The following BCAR3 variants were observed in gnomAD, a reference collection of about 807,000 sequenced individuals.
The protein encoded by BCAR3 is breast cancer anti-estrogen resistance protein 3.
BCAR3 carries 37 observed loss-of-function variants against 80.1 expected under a neutral mutation model. That is an observed-to-expected ratio of 0.46 (90% CI 0.36 to 0.61). BCAR3 has a LOEUF of 0.61. Among genes scored for constraint, BCAR3 ranks in the 20% least tolerant of loss-of-function variants. The probability of loss-of-function intolerance (pLI) is 0.00; values close to 1 mark genes in which losing one functional copy is unlikely to be tolerated. For synonymous variants in BCAR3, 389 were observed against 418.9 expected, an observed-to-expected ratio of 0.93 and a Z score of 0.87; for missense variants, 978 against 1,068.2, an observed-to-expected ratio of 0.92 and a Z score of 1.18.
At chr1:93,607,649 C>T (rs1177485615) in intron 3 of BCAR3, among the ~76,000 whole-genome samples, 1 of 152,132 alleles carries the variant, frequency 6.6e-6, no homozygotes, top group African/African-American at 2.4e-5. Flanking sequence ...TCCCCAACCA[C>T]CTCTATGGGC....
Position 93,592,493 on chromosome 1 carries a change from T to C in BCAR3, c.358-100A>G, listed in dbSNP as rs2101851434. The C allele has an allele frequency of 1.4e-6, 2 of 1,439,702 alleles. No homozygotes were observed. The highest frequency in any genetic ancestry group is 4.8e-5 in the East Asian group (2 of 41,788). 89.2% of individuals were successfully genotyped at this position (1,439,702 alleles called of 1,614,324 possible). A position where few individuals can be genotyped will look rare whatever the true frequency, so the allele number is the denominator to read the frequency against. The stretch of plus-strand genomic sequence containing the variant: ...GCTTCACTAATCCAACCAGTTATGC[T>C]ACAGCCTGCATTCAGGTAGGGGAGC... On this transcript the variant is annotated intron_variant, in intron 3 of 11. Transcript: ENST00000260502. The surrounding 1 kb of genome is among the most constrained non-coding windows in gnomAD (Gnocchi z 4.8).
upstream of BCAR3, among the ~76,000 whole-genome samples, chr1:93,682,985 A>G (rs1202143733): frequency 1.3e-5 from 2 of 152,046 alleles, no homozygotes; most frequent in Non-Finnish European, 2.9e-5. Flanking sequence ...AAAGAAAAAA[A>G]ACTCATCATT....
intron 2 of BCAR3, among the ~76,000 whole-genome samples, chr1:93,814,654 G>A (rs917349028): frequency 3.3e-5 from 5 of 152,218 alleles, no homozygotes; most frequent in African/African-American, 1.2e-4. Context: ...CCCATCTGGG[G>A]GTCACCACTG....
intron 2 of BCAR3, among the ~76,000 whole-genome samples, chr1:93,781,745 C>T (rs1221023054): frequency 6.6e-6 from 1 of 152,196 alleles, no homozygotes; most frequent in Non-Finnish European, 1.5e-5. Flanking sequence ...TCCTCCTATG[C>T]CTGTCTACTT....
At chr1:93,827,457 C>T (rs1654411013) in intron 2 of BCAR3, among the ~76,000 whole-genome samples, 1 of 152,114 alleles carries the variant, frequency 6.6e-6, no homozygotes, top group Non-Finnish European at 1.5e-5. Context: ...TGTGACCCAG[C>T]TCCCTCCGAG....
intron 2 of BCAR3, among the ~76,000 whole-genome samples, chr1:93,782,624 A>G (rs1171115686): frequency 6.6e-6 from 1 of 152,204 alleles, no homozygotes; most frequent in African/African-American, 2.4e-5. Flanking sequence ...CTGAGCAAAC[A>G]GTGGAGGATA....
chr1:93,739,209 C>T (rs1349444539), intron 2 of BCAR3, among the ~76,000 whole-genome samples: 3 of 152,280 alleles, frequency 2.0e-5, no homozygotes, highest in Non-Finnish European at 4.4e-5. Context: ...ACAGCTGCCG[C>T]AACCTTAGAT....
rs112559014 is a variant in BCAR3 at position 93,745,597 on chromosome 1, C to A, written c.-62-39455G>T. On this transcript the variant is annotated intron_variant, in intron 2 of 13. Coordinates refer to the BCAR3 transcript ENST00000370244. ...ACATTCCATAGCCTCTTGTCTCTTG[C>A]TACTTGATGTGCAGAAGAAAGTGTC... Among the ~76,000 whole-genome samples the A allele has an allele frequency of 9.1e-4, 139 of 152,312 alleles. 3 individuals carry two copies. Among genetic ancestry groups the A allele is most frequent in the African/African-American group, 3.2e-3 (134 of 41,566 alleles).
chr1:93,766,504 A>T (rs1652155941), intron 2 of BCAR3, among the ~76,000 whole-genome samples: 1 of 152,130 alleles, frequency 6.6e-6, no homozygotes, highest in African/African-American at 2.4e-5. Flanking sequence ...TTCCCAGATG[A>T]ATTTTCTTTC....
chr1:93,671,372 A>G (rs1248301631), intron 2 of BCAR3, among the ~76,000 whole-genome samples: 3 of 152,176 alleles, frequency 2.0e-5, no homozygotes, highest in Non-Finnish European at 2.9e-5. Context: ...AGTACTTCAC[A>G]AGACAAAGAG....
intron 11 of BCAR3, among the ~76,000 whole-genome samples, chr1:93,565,479 A>G (rs55829892): frequency 2.1e-3 from 321 of 152,302 alleles, no homozygotes; most frequent in Non-Finnish European, 3.4e-3. Context: ...ACTTACAGCA[A>G]TGGGTACTTG....
At chr1:93,769,168 C>T (rs1054222100) in intron 2 of BCAR3, among the ~76,000 whole-genome samples, 1 of 152,182 alleles carries the variant, frequency 6.6e-6, no homozygotes, top group Non-Finnish European at 1.5e-5. Context: ...CAAGCACACC[C>T]ACACCGTTAG....
At chr1:93,739,855 T>C (rs1385271173) in intron 2 of BCAR3, among the ~76,000 whole-genome samples, 1 of 151,764 alleles carries the variant, frequency 6.6e-6, no homozygotes, top group African/African-American at 2.4e-5. Context: ...GCCAACATGG[T>C]GAAACCCCGT....
At chr1:93,576,211 A>G (rs1393391324) in intron 7 of BCAR3, 82 bp from the exon 8 acceptor site, 3 of 1,016,902 alleles carry the variant, frequency 3.0e-6, no homozygotes, top group Non-Finnish European at 4.6e-6. Flanking sequence ...GAAGAAACAC[A>G]CTGAACTACG....
chr1:93,841,863 T>G, intron 2 of BCAR3, among the ~76,000 whole-genome samples: 1 of 152,180 alleles, frequency 6.6e-6, no homozygotes, highest in East Asian at 1.9e-4. Flanking sequence ...TTGGCACCCT[T>G]TTAAACACTG....
At chr1:93,796,378 G>T (rs1653263036) in intron 2 of BCAR3, among the ~76,000 whole-genome samples, 1 of 145,054 alleles carries the variant, frequency 6.9e-6, no homozygotes, top group Non-Finnish European at 1.5e-5. Flanking sequence ...TTTTAAGCCG[G>T]TCTGAAAAGC....
At chr1:93,576,746 C>T (rs1351123466) in intron 7 of BCAR3, among the ~76,000 whole-genome samples, 1 of 152,248 alleles carries the variant, frequency 6.6e-6, no homozygotes, top group African/African-American at 2.4e-5. Context: ...ATCTTTGTCC[C>T]AGACAGCTCT....
At chr1:93,628,912 C>A (rs992959437) in intron 3 of BCAR3, among the ~76,000 whole-genome samples, 10 of 152,166 alleles carry the variant, frequency 6.6e-5, no homozygotes, top group African/African-American at 2.4e-4. Context: ...GTACTAACCA[C>A]AAAATTGTTT....
At chr1:93,776,017 C>G (rs1652532656) in intron 2 of BCAR3, among the ~76,000 whole-genome samples, 1 of 152,136 alleles carries the variant, frequency 6.6e-6, no homozygotes, top group African/African-American at 2.4e-5. Flanking sequence ...CGTCAGCTAG[C>G]CAGTAGCTTC....
Sources: allele counts gnomAD v4.1 joint callset (sites outside exome capture counted in the v4.1 genomes callset), GRCh38; gene constraint gnomAD v4.1.1; non-coding constraint Gnocchi (gnomAD v3.1); transcripts MANE v1.5; gene names NCBI Gene and HGNC (gene_info 2026-07-23, HGNC 2026-07-21).